The following ABCG1 variants were observed in gnomAD, a reference collection of about 807,000 sequenced individuals.
ABCG1 encodes the protein ATP binding cassette subfamily G member 1, also known as ATP-binding cassette sub-family G member 1.
A neutral mutation model predicts 69.2 loss-of-function variants in ABCG1; 29 were observed. The ratio of observed to expected loss-of-function variants is 0.42; its 90% CI spans 0.31 to 0.57. The LOEUF (loss-of-function observed/expected upper bound fraction) is 0.57. Ranked by LOEUF, ABCG1 falls within the 20% of genes least tolerant of loss-of-function variation. The pLI is 0.15. For synonymous variants in ABCG1, 370 were observed against 374.8 expected (o/e 0.99, Z 0.15); for missense variants, 718 against 898.1 (o/e 0.80, Z 2.56).
chr21:42,261,067 C>T (rs936543013), intron 2 of ABCG1, among the ~76,000 whole-genome samples: 6 of 152,090 alleles, frequency 3.9e-5, no homozygotes, highest in Admixed American at 6.5e-5. Context: ...GTGATCCACC[C>T]GCCTCGGCCT....
At chr21:42,261,969 G>T (rs2068422205) in intron 2 of ABCG1, among the ~76,000 whole-genome samples, 1 of 152,102 alleles carries the variant, frequency 6.6e-6, no homozygotes, top group Admixed American at 6.5e-5. Context: ...AAAACCCAAT[G>T]ACCGATCTTC....
intron 2 of ABCG1, among the ~76,000 whole-genome samples, chr21:42,208,016 A>G (rs114741885): frequency 0.025 from 3,866 of 152,302 alleles, 161 homozygotes; most frequent in African/African-American, 0.087. Context: ...TAGAAGAGTA[A>G]GAGTTGGTTT....
intron 2 of ABCG1, among the ~76,000 whole-genome samples, chr21:42,255,206 T>G (rs556605443): frequency 6.6e-6 from 1 of 152,358 alleles, no homozygotes; most frequent in African/African-American, 2.4e-5. Context: ...GCCCCGTTGC[T>G]AGTGATCTGA....
intron 2 of ABCG1, among the ~76,000 whole-genome samples, chr21:42,264,397 C>T (rs542340902): frequency 5.3e-5 from 8 of 152,322 alleles, no homozygotes; most frequent in African/African-American, 1.9e-4. Flanking sequence ...CTCTGTCCAT[C>T]CATCCATCCA....
chr21:42,282,720 C>A (rs2068835786), intron 6 of ABCG1, among the ~76,000 whole-genome samples: 1 of 152,246 alleles, frequency 6.6e-6, no homozygotes, highest in Non-Finnish European at 1.5e-5. Context: ...GGCTCAGCCA[C>A]TCTGAGGGCC....
chr21:42,256,927 A>G (rs772843191), intron 2 of ABCG1, among the ~76,000 whole-genome samples: 3 of 152,158 alleles, frequency 2.0e-5, no homozygotes, highest in Non-Finnish European at 4.4e-5. Context: ...TCCTTCTCAC[A>G]TTGCTTGCAC....
intron 6 of ABCG1, among the ~76,000 whole-genome samples, chr21:42,283,352 G>A (rs529359516): frequency 3.3e-5 from 5 of 152,212 alleles, no homozygotes; most frequent in African/African-American, 1.2e-4. Flanking sequence ...CCTGAGATGG[G>A]TGGGCTCCGG....
intron 2 of ABCG1, among the ~76,000 whole-genome samples, chr21:42,234,247 T>G (rs1001426852): frequency 6.6e-6 from 1 of 152,148 alleles, no homozygotes; most frequent in Admixed American, 6.5e-5. Flanking sequence ...ACTTAACACC[T>G]GGAGTCCCAA....
chr21:42,223,178 G>A (rs145861526), intron 1 of ABCG1, among the ~76,000 whole-genome samples: 16 of 152,238 alleles, frequency 1.1e-4, no homozygotes, highest in East Asian at 5.8e-4. Context: ...CAGCCCCTGC[G>A]TTTCTTACAG....
At chr21:42,216,651 AG>A (rs2067644140), upstream of ABCG1, among the ~76,000 whole-genome samples, 1 of 152,176 alleles carries the variant, frequency 6.6e-6, no homozygotes, top group Non-Finnish European at 1.5e-5. Context: ...GCAAGAGACC[AG>A]GGGCTGAGGA....
At chr21:42,208,940 C>T (rs2067564853) in intron 2 of ABCG1, among the ~76,000 whole-genome samples, 1 of 152,104 alleles carries the variant, frequency 6.6e-6, no homozygotes. Context: ...GGTGACTGCC[C>T]CAGGCCCTCC....
intron 14 of ABCG1, chr21:42,294,881 A>C: frequency 1.9e-6 from 1 of 527,304 alleles, no homozygotes; most frequent in Non-Finnish European, 3.5e-6. Context: ...CCAGCGCTTC[A>C]CACCCGGAGA....
At chr21:42,282,739 G>A (rs2068836184) in intron 6 of ABCG1, among the ~76,000 whole-genome samples, 1 of 152,228 alleles carries the variant, frequency 6.6e-6, no homozygotes, top group Non-Finnish European at 1.5e-5. Flanking sequence ...CCAAGGTCAT[G>A]GGACGACCTG....
rs376522060 is a variant in ABCG1, at chr21:42,209,228, C to T, written c.48+7505C>T. 4.6e-5 allele frequency among the ~76,000 whole-genome samples: 7 copies of T among 152,202 alleles called. No homozygotes were observed. In the East Asian group the frequency reaches 1.2e-3, roughly 25 times the overall value. On this transcript the variant is annotated intron_variant, in intron 2 of 15. Transcript: ENST00000398457. The stretch of plus-strand genomic sequence containing the variant: ...GAGGGACCAGGCACAGATCATCTGA[C>T]TGATAGAAATAGCAAAATGTGGGCT...
intron 2 of ABCG1, among the ~76,000 whole-genome samples, chr21:42,238,567 G>T (rs1320300094): frequency 6.6e-6 from 1 of 152,154 alleles, no homozygotes; most frequent in Non-Finnish European, 1.5e-5. Flanking sequence ...TCAGATCGCT[G>T]GATGACAAGC....
intron 13 of ABCG1, among the ~76,000 whole-genome samples, chr21:42,292,235 C>T (rs575969770): frequency 1.2e-3 from 190 of 152,220 alleles, no homozygotes; most frequent in Admixed American, 1.9e-3. Context: ...TGGGAACACC[C>T]GAGGGCCCCA....
At chr21:42,212,624 A>G (rs1256709074), upstream of ABCG1, among the ~76,000 whole-genome samples, 1 of 152,162 alleles carries the variant, frequency 6.6e-6, no homozygotes, top group Non-Finnish European at 1.5e-5. Context: ...AACACTCTAA[A>G]CCATGTCTTG....
In ABCG1 at chr21:42,219,141, G is replaced by GAGCCCAAGCGC. The variant is rs2067678141; in HGVS notation, c.-116_-106dup. ...CAGAGCCGGAGCCGGATCCCAGCCG[G>GAGCCCAAGCGC]AGCCCAAGCGCAGCCCGCACCCCGC... On this transcript the variant is annotated 5_prime_UTR_variant, in exon 1 of 15. Transcript: ENST00000398449. The surrounding 1 kb of genome is among the most constrained non-coding windows in gnomAD (Gnocchi z 5.3). The GAGCCCAAGCGC allele has an allele frequency of 1.1e-6, 1 of 940,016 alleles. No individual in the cohort carries two copies. The highest frequency in any genetic ancestry group is 1.3e-6 in the Non-Finnish European group (1 of 743,080). The allele number at this position is 940,016 out of a possible 1,614,324, so 58.2% of individuals were successfully genotyped here. A position where few individuals can be genotyped will look rare whatever the true frequency, so the allele number is the denominator to read the frequency against.
At chr21:42,212,208 C>T (rs1466458867), upstream of ABCG1, among the ~76,000 whole-genome samples, 1 of 151,428 alleles carries the variant, frequency 6.6e-6, no homozygotes, top group African/African-American at 2.4e-5. Context: ...TGGACTGAGA[C>T]AGAAATTGGT....
Sources: gnomAD v4.1 joint callset for allele counts (sites outside exome capture counted in the v4.1 genomes callset) on GRCh38, gnomAD v4.1.1 for gene constraint, Gnocchi (gnomAD v3.1) non-coding constraint, MANE v1.5 for transcripts, NCBI Gene and HGNC (gene_info 2026-07-23, HGNC 2026-07-21) for gene names.